Variants in CHCHD6 observed in about 807,000 individuals in gnomAD.
CHCHD6 encodes coiled-coil-helix-coiled-coil-helix domain containing 6, also known as MICOS complex subunit MIC25.
A neutral mutation model predicts 32.3 loss-of-function variants in CHCHD6; 28 were observed. The observed-to-expected ratio is 0.87, with a 90% CI of 0.64 to 1.19. The LOEUF (loss-of-function observed/expected upper bound fraction) is 1.19, where lower values mean the gene tolerates loss of function less well. Ranked by LOEUF, CHCHD6 falls within the 50% of genes most tolerant of loss-of-function variation. The pLI, the probability that CHCHD6 is intolerant of heterozygous loss-of-function variation, is 0.00. For missense variants in CHCHD6, 333 were observed against 307.0 expected (o/e 1.08, Z -0.63); for synonymous variants, 122 against 117.5 (o/e 1.04, Z -0.25).
intron 6 of CHCHD6, among the ~76,000 whole-genome samples, chr3:126,947,539 C>A (rs1286970984): frequency 6.6e-6 from 1 of 152,202 alleles, no homozygotes; most frequent in Non-Finnish European, 1.5e-5. Flanking sequence ...CTCTTCCTAT[C>A]CCGGGCCCCT....
intron 1 of CHCHD6, among the ~76,000 whole-genome samples, chr3:126,707,798 C>G (rs1934564266): frequency 6.6e-6 from 1 of 152,236 alleles, no homozygotes; most frequent in African/African-American, 2.4e-5. Context: ...AAGAGAGTCC[C>G]CCATTGTGCC....
chr3:126,846,580 C>T (rs1941303146), intron 4 of CHCHD6, among the ~76,000 whole-genome samples: 1 of 152,184 alleles, frequency 6.6e-6, no homozygotes, highest in Admixed American at 6.5e-5. Flanking sequence ...TCATCATCTA[C>T]AAGGAATCCT....
chr3:126,819,387 G>C (rs1416137967), intron 4 of CHCHD6, among the ~76,000 whole-genome samples: 1 of 152,210 alleles, frequency 6.6e-6, no homozygotes, highest in Non-Finnish European at 1.5e-5. Flanking sequence ...TCTGGATGCT[G>C]TATGAAGGTA....
intron 4 of CHCHD6, among the ~76,000 whole-genome samples, chr3:126,827,465 G>C (rs969025277): frequency 6.6e-6 from 1 of 152,216 alleles, no homozygotes; most frequent in African/African-American, 2.4e-5. Context: ...TGGAGGGAAG[G>C]ATGGAGGGCC....
chr3:126,924,596 G>A (rs766606802), intron 6 of CHCHD6, among the ~76,000 whole-genome samples: 6 of 152,250 alleles, frequency 3.9e-5, no homozygotes, highest in Admixed American at 2.6e-4. Flanking sequence ...GTTCCTGGTT[G>A]TGTGAGTGGG....
intron 6 of CHCHD6, among the ~76,000 whole-genome samples, chr3:126,928,398 C>T (rs2078355082): frequency 6.6e-6 from 1 of 152,188 alleles, no homozygotes; most frequent in Non-Finnish European, 1.5e-5. Context: ...CACCCACCAC[C>T]ATCACAGAGC....
At chr3:126,940,926 G>A (rs556044361) in intron 6 of CHCHD6, among the ~76,000 whole-genome samples, 2 of 152,016 alleles carry the variant, frequency 1.3e-5, no homozygotes, top group African/African-American at 4.8e-5. Context: ...AGGTCTTTGT[G>A]TGATGGTGTT....
At chr3:126,729,690 G>T (rs1403106453) in intron 2 of CHCHD6, among the ~76,000 whole-genome samples, 2 of 152,136 alleles carry the variant, frequency 1.3e-5, no homozygotes, top group Non-Finnish European at 2.9e-5. Context: ...CACAGCTGAT[G>T]CTTTCAGAAG....
intron 4 of CHCHD6, among the ~76,000 whole-genome samples, chr3:126,788,858 T>G (rs1202526208): frequency 6.6e-6 from 1 of 152,240 alleles, no homozygotes; most frequent in Non-Finnish European, 1.5e-5. Flanking sequence ...TCTTGCCTTC[T>G]GCTAGCTTTT....
chr3:126,959,169 A>G (rs147778676), intron 7 of CHCHD6, among the ~76,000 whole-genome samples: 4 of 152,366 alleles, frequency 2.6e-5, no homozygotes, highest in East Asian at 1.9e-4. Flanking sequence ...ATTACCAAGG[A>G]AGACAGATCA....
chr3:126,759,968 T>G (rs1266170658), intron 4 of CHCHD6, among the ~76,000 whole-genome samples: 1 of 152,106 alleles, frequency 6.6e-6, no homozygotes, highest in Non-Finnish European at 1.5e-5. Context: ...AAAGGGGGAA[T>G]AGGCGTCTCA....
chr3:126,920,308 C>T (rs1384746384), intron 6 of CHCHD6, among the ~76,000 whole-genome samples: 1 of 149,092 alleles, frequency 6.7e-6, no homozygotes, highest in African/African-American at 2.5e-5. Context: ...TTAAAATCAT[C>T]TGAGGGTCTA....
At chr3:126,827,936 T>G (rs1257220457) in intron 4 of CHCHD6, among the ~76,000 whole-genome samples, 1 of 152,180 alleles carries the variant, frequency 6.6e-6, no homozygotes, top group Non-Finnish European at 1.5e-5. Context: ...AGCTTCCTCC[T>G]ATTTGGCTCT....
chr3:126,770,686 A>G (rs1023466649), intron 4 of CHCHD6, among the ~76,000 whole-genome samples: 2 of 152,222 alleles, frequency 1.3e-5, no homozygotes, highest in Admixed American at 6.5e-5. Flanking sequence ...CTACTTGATC[A>G]TGGTGGATTA....
In CHCHD6 at chr3:126,734,345, G is replaced by A. The variant is rs73199898; in HGVS notation, c.411+1123G>A. Among the ~76,000 whole-genome samples the A allele has an allele frequency of 9.0e-3, 1,367 of 152,364 alleles. 9 individuals carry two copies. The highest frequency in any genetic ancestry group is 0.015 in the Non-Finnish European group (1,000 of 68,028). ...ACATCTGCTGGAGGCCATGAGGTTT[G>A]AGACCAGGAACAGCCTTGCACTACT... On this transcript the variant is annotated intron_variant, in intron 4 of 7. Transcript: ENST00000290913.
At chr3:126,746,555 C>G (rs1387842581) in intron 4 of CHCHD6, among the ~76,000 whole-genome samples, 1 of 152,138 alleles carries the variant, frequency 6.6e-6, no homozygotes, top group African/African-American at 2.4e-5. Context: ...TTGGGGCTCC[C>G]AGGTGTCAGA....
chr3:126,931,864 G>A (rs991914391), intron 6 of CHCHD6, among the ~76,000 whole-genome samples: 17 of 152,174 alleles, frequency 1.1e-4, no homozygotes, highest in African/African-American at 3.4e-4. Flanking sequence ...AGAAAGGCTC[G>A]TCTCATCTCA....
chr3:126,719,333 T>G (rs1269961077), intron 1 of CHCHD6, among the ~76,000 whole-genome samples: 4 of 152,230 alleles, frequency 2.6e-5, no homozygotes, highest in Admixed American at 1.3e-4. Flanking sequence ...GGCGGGCGTC[T>G]TAACAGGAAT....
chr3:126,897,515 T>G lies in CHCHD6; in HGVS notation c.496-17165T>G, dbSNP rs541562470. On this transcript the variant is annotated intron_variant, in intron 5 of 7. Transcript: ENST00000290913. ...ACTGAAGGACTTTTTTATTCTGTAT[T>G]GTCTGTTGCAGAAAGTGTAGGCAGT... Among the ~76,000 whole-genome samples the G allele has an allele frequency of 5.9e-5, 9 of 152,360 alleles. No homozygotes were observed. In the South Asian group the frequency reaches 1.9e-3, roughly 32 times the overall value.
Sources: allele counts gnomAD v4.1 joint callset (sites outside exome capture counted in the v4.1 genomes callset), GRCh38; gene constraint gnomAD v4.1.1; transcripts MANE v1.5; gene names NCBI Gene and HGNC (gene_info 2026-07-23, HGNC 2026-07-21).